The following ARHGAP8 variants were observed in gnomAD, a reference collection of about 807,000 sequenced individuals.
ARHGAP8 encodes the protein Rho GTPase activating protein 8.
A neutral mutation model predicts 46.1 loss-of-function variants in ARHGAP8; 62 were observed. The observed-to-expected ratio is 1.34, with a 90% CI of 1.10 to 1.66. The LOEUF (loss-of-function observed/expected upper bound fraction) is 1.66. Ranked by LOEUF, ARHGAP8 falls within the 40% of genes most tolerant of loss-of-function variation. The pLI is 0.00. For missense variants in ARHGAP8, 923 were observed against 568.4 expected (o/e 1.62, Z -6.34); for synonymous variants, 375 against 243.1 (o/e 1.54, Z -5.05).
intron 2 of ARHGAP8, among the ~76,000 whole-genome samples, chr22:44,790,732 GT>G (rs1491157061): frequency 1.3e-3 from 76 of 58,040 alleles, no homozygotes; most frequent in Admixed American, 1.4e-3. Context: ...GAACCTGGCC[GT>G]TTTTTTTTTT....
Position 44,859,500 on chromosome 22 carries a change from C to T in ARHGAP8, c.878-231C>T, listed in dbSNP as rs145020925. ...TTGTACAGCCTGTAGAACCATGAGC[C>T]AGTTAAACCTCTTTTCTTATAAATA... On this transcript the variant is annotated intron_variant, in intron 10 of 11. Coordinates refer to ENST00000356099, the MANE Select transcript of ARHGAP8 (RefSeq NM_181335.3). Among the ~76,000 whole-genome samples, 72 of 152,270 alleles carry T rather than the reference C, an allele frequency of 4.7e-4. 1 individual carries two copies. The East Asian group carries it at 9.1e-3, about 19-fold the overall frequency.
intron 10 of ARHGAP8, among the ~76,000 whole-genome samples, chr22:44,858,744 C>T (rs1451590943): frequency 2.5e-5 from 3 of 121,450 alleles, no homozygotes; most frequent in East Asian, 2.2e-4. Context: ...TGGGGGGTCT[C>T]AGAGTGGGGG....
chr22:44,844,539 T>G (rs1243052021), intron 7 of ARHGAP8, among the ~76,000 whole-genome samples: 2 of 152,122 alleles, frequency 1.3e-5, no homozygotes, highest in Non-Finnish European at 2.9e-5. Flanking sequence ...CTCAGCTCAC[T>G]GCAACCTCCA....
chr22:44,832,913 G>A (rs1931042287), intron 7 of ARHGAP8, among the ~76,000 whole-genome samples: 1 of 152,056 alleles, frequency 6.6e-6, no homozygotes, highest in Middle Eastern at 3.4e-3. Context: ...GATCACTTGA[G>A]GCCGGGAGTT....
intron 5 of ARHGAP8, among the ~76,000 whole-genome samples, chr22:44,815,674 T>G (rs950020295): frequency 6.6e-6 from 1 of 152,172 alleles, no homozygotes; most frequent in Non-Finnish European, 1.5e-5. Context: ...TCAGTCAGCT[T>G]CTTCCATATT....
In ARHGAP8 at chr22:44,824,922, C is replaced by T. The variant is rs556490308; in HGVS notation, c.486-561C>T. Among the ~76,000 whole-genome samples the T allele has an allele frequency of 2.5e-3, 382 of 151,934 alleles. 1 individual carries two copies. The highest frequency in any genetic ancestry group is 0.01 in the Middle Eastern group (3 of 294). On this transcript the variant is annotated intron_variant, in intron 6 of 11. Coordinates refer to ENST00000356099, the MANE Select transcript of ARHGAP8 (RefSeq NM_181335.3). ...TGTTGGGATTACAGGCGTGAGCCAC[C>T]GTGCCGAGCACAGAGGTTCTTTTCA...
chr22:44,839,702 C>T (rs543811124), intron 7 of ARHGAP8, among the ~76,000 whole-genome samples: 44 of 152,342 alleles, frequency 2.9e-4, no homozygotes, highest in African/African-American at 1.0e-3. Flanking sequence ...AGACGATACA[C>T]ACGTGGAGGA....
chr22:44,778,780 A>T (rs8140176), intron 1 of ARHGAP8, among the ~76,000 whole-genome samples: 30,148 of 152,070 alleles, frequency 0.2, 4,109 homozygotes, highest in African/African-American at 0.39. Flanking sequence ...CCCTGGGACG[A>T]TAGCAAAACA....
chr22:44,840,645 G>A (rs1170721036), intron 7 of ARHGAP8, among the ~76,000 whole-genome samples: 2 of 152,166 alleles, frequency 1.3e-5, no homozygotes, highest in African/African-American at 2.4e-5. Flanking sequence ...CGCTGGGCCC[G>A]TTTGTTCAGC....
intron 7 of ARHGAP8, among the ~76,000 whole-genome samples, chr22:44,838,088 C>G (rs1374229325): frequency 1.3e-5 from 2 of 152,064 alleles, no homozygotes; most frequent in East Asian, 1.9e-4. Flanking sequence ...ATTCTTCTGC[C>G]TCAGCATCCC....
At chr22:44,785,662 G>A (rs920149744) in intron 1 of ARHGAP8, among the ~76,000 whole-genome samples, 2 of 152,276 alleles carry the variant, frequency 1.3e-5, no homozygotes, top group East Asian at 1.9e-4. Context: ...CCCTACACCT[G>A]GGATCCTACA....
intron 11 of ARHGAP8, among the ~76,000 whole-genome samples, chr22:44,860,296 C>A (rs1035958168): frequency 1.3e-5 from 2 of 152,136 alleles, no homozygotes; most frequent in African/African-American, 4.8e-5. Flanking sequence ...CTGTGTCACT[C>A]TTCTAGAGGC....
intron 10 of ARHGAP8, among the ~76,000 whole-genome samples, chr22:44,855,390 C>T (rs546320375): frequency 3.3e-5 from 5 of 151,930 alleles, no homozygotes; most frequent in African/African-American, 9.7e-5. Context: ...GTTTCAAACT[C>T]CTGGGCTCAA....
At chr22:44,786,403 A>G in intron 1 of ARHGAP8, 54 bp from the exon 2 acceptor site, 1 of 1,536,904 alleles carries the variant, frequency 6.5e-7, no homozygotes, top group Non-Finnish European at 8.8e-7. Context: ...AGGCTCCCTC[A>G]TTCCCCGCCT....
intron 7 of ARHGAP8, among the ~76,000 whole-genome samples, chr22:44,837,617 A>G (rs2147144812): frequency 6.6e-6 from 1 of 152,326 alleles, no homozygotes; most frequent in South Asian, 2.1e-4. Flanking sequence ...TCTGCCAACC[A>G]GAGTCCCCTG....
At position 44,802,075 on chromosome 22, in the gene ARHGAP8, A is replaced by G. The variant is rs768002077; in HGVS notation, c.80-2A>G. 5 of 1,613,992 alleles carry G rather than the reference A, an allele frequency of 3.1e-6. No homozygotes were observed. The East Asian group carries it at 8.9e-5, about 29-fold the overall frequency. ...GAGGCTCACCTGTGTCTGCTCCTCC[A>G]GGGGATGACCGCTTTGGAAGACGTG... is the stretch of plus-strand genomic sequence containing the variant. On this transcript the variant is annotated splice_acceptor_variant, in intron 2 of 11. Transcript: ENST00000356099. LOFTEE classifies it high-confidence loss of function.
rs572988137 is a variant in ARHGAP8 at position 44,761,746 on chromosome 22, C to T, written c.-72+9119C>T. Among the ~76,000 whole-genome samples, 8 of 152,236 alleles carry T rather than the reference C, an allele frequency of 5.3e-5. No individual in the cohort carries two copies. In the South Asian group the frequency reaches 1.7e-3, roughly 32 times the overall value. ...TTTACGCTGCTGATAAAGACACACC[C>T]GAGACTGGGTAATTTATAAAGGAAA... is the stretch of plus-strand genomic sequence containing the variant. On this transcript the variant is annotated intron_variant, in intron 1 of 11. Transcript: ENST00000356099.
chr22:44,826,236 A>G (rs1045397004), intron 7 of ARHGAP8, among the ~76,000 whole-genome samples: 7 of 152,116 alleles, frequency 4.6e-5, no homozygotes, highest in African/African-American at 1.4e-4. Context: ...TCCCCGCATC[A>G]CCATGCACCT....
At chr22:44,789,779 G>A (rs987673924) in intron 2 of ARHGAP8, among the ~76,000 whole-genome samples, 4 of 152,174 alleles carry the variant, frequency 2.6e-5, no homozygotes, top group African/African-American at 9.7e-5. Context: ...GGGATTATAG[G>A]TGTATTTTTT....
Sources: allele counts gnomAD v4.1 joint callset (sites outside exome capture counted in the v4.1 genomes callset), GRCh38; gene constraint gnomAD v4.1.1; transcripts MANE v1.5; gene names NCBI Gene and HGNC (gene_info 2026-07-23, HGNC 2026-07-21).